GLYATL2: variants seen among roughly 807,000 people sequenced by gnomAD.
The protein encoded by GLYATL2 is glycine N-acyltransferase-like protein 2.
GLYATL2 carries 25 observed loss-of-function variants against 21.4 expected under a neutral mutation model. The observed-to-expected ratio is 1.17, with a 90% CI of 0.85 to 1.63. GLYATL2 has a LOEUF of 1.63. Ranked by LOEUF, GLYATL2 falls within the 40% of genes most tolerant of loss-of-function variation. GLYATL2 has a pLI of 0.00. For synonymous variants in GLYATL2, 114 were observed against 118.2 expected, an observed-to-expected ratio of 0.96 and a Z score of 0.23; for missense variants, 361 against 343.3, an observed-to-expected ratio of 1.05 and a Z score of -0.41.
At chr11:58,837,501 T>G in intron 3 of GLYATL2, 104 bp from the exon 4 acceptor site, 1 of 1,136,242 alleles carries the variant, frequency 8.8e-7, no homozygotes, top group Non-Finnish European at 1.3e-6. Flanking sequence ...AATATTCTGT[T>G]TTTCTGAGAC....
chr11:58,883,250 C>G (rs1854374063), intron 1 of GLYATL2, among the ~76,000 whole-genome samples: 1 of 151,678 alleles, frequency 6.6e-6, no homozygotes, highest in African/African-American at 2.4e-5. Flanking sequence ...GTTTGTAGTT[C>G]TCCTTCAAAA....
intron 1 of GLYATL2, among the ~76,000 whole-genome samples, chr11:58,860,670 C>A (rs1853914859): frequency 6.6e-6 from 1 of 152,036 alleles, no homozygotes; most frequent in Non-Finnish European, 1.5e-5. Context: ...AGCATCCTTG[C>A]CTTGTCCTTA....
intron 1 of GLYATL2, among the ~76,000 whole-genome samples, chr11:58,894,279 A>G (rs887607614): frequency 1.3e-5 from 2 of 152,204 alleles, no homozygotes; most frequent in African/African-American, 4.8e-5. Flanking sequence ...AGATAAAAAA[A>G]GCAGAAAATT....
At chr11:58,904,400 T>C (rs1465106152), upstream of GLYATL2, among the ~76,000 whole-genome samples, 1 of 152,246 alleles carries the variant, frequency 6.6e-6, no homozygotes, top group African/African-American at 2.4e-5. Flanking sequence ...TAATGGAATG[T>C]GCAGATGCTC....
intron 1 of GLYATL2, among the ~76,000 whole-genome samples, chr11:58,868,079 T>C (rs1387763495): frequency 6.7e-6 from 1 of 148,702 alleles, no homozygotes; most frequent in African/African-American, 2.4e-5. Flanking sequence ...GAGAGGAGCC[T>C]ACAGATGGGA....
intron 1 of GLYATL2, among the ~76,000 whole-genome samples, chr11:58,873,288 GC>G: frequency 6.6e-6 from 1 of 151,636 alleles, no homozygotes; most frequent in Admixed American, 6.6e-5. Flanking sequence ...TCCTTCTCCT[GC>G]CTGAATGCCC....
At chr11:58,854,371 G>A (rs973345292) in intron 1 of GLYATL2, among the ~76,000 whole-genome samples, 6 of 152,182 alleles carry the variant, frequency 3.9e-5, no homozygotes, top group African/African-American at 1.2e-4. Context: ...CAAGTCACAC[G>A]AAGTTTATGG....
At chr11:58,871,905 G>A (rs1342813736) in intron 1 of GLYATL2, among the ~76,000 whole-genome samples, 3 of 152,330 alleles carry the variant, frequency 2.0e-5, no homozygotes, top group East Asian at 3.9e-4. Context: ...CACCAGCGGT[G>A]TAAAAGTGTT....
chr11:58,898,973 G>A (rs6591499), intron 1 of GLYATL2, among the ~76,000 whole-genome samples: 132,452 of 152,170 alleles, frequency 0.87, 58,662 homozygotes, highest in Middle Eastern at 0.96. Flanking sequence ...TTATAAATAC[G>A]CAAATATTTT....
At chr11:58,878,594 TA>T (rs1854279924) in intron 1 of GLYATL2, among the ~76,000 whole-genome samples, 1 of 152,198 alleles carries the variant, frequency 6.6e-6, no homozygotes, top group Non-Finnish European at 1.5e-5. Flanking sequence ...TAATAAGCAG[TA>T]ATGTTGCAGA....
intron 1 of GLYATL2, chr11:58,885,447 T>C: frequency 2.0e-6 from 1 of 502,684 alleles, no homozygotes; most frequent in Non-Finnish European, 4.0e-6. Context: ...TATGGCTGTG[T>C]GTATCACATC....
At chr11:58,850,281 G>A (rs1853716218) in intron 1 of GLYATL2, among the ~76,000 whole-genome samples, 1 of 152,026 alleles carries the variant, frequency 6.6e-6, no homozygotes, top group Non-Finnish European at 1.5e-5. Context: ...TTTGTTCAGA[G>A]GTTTTATTAT....
chr11:58,862,990 G>T (rs1309406388), intron 1 of GLYATL2, among the ~76,000 whole-genome samples: 1 of 152,136 alleles, frequency 6.6e-6, no homozygotes, highest in African/African-American at 2.4e-5. Flanking sequence ...TTCTTGGTAG[G>T]GTGTCTGTTG....
rs547892571 is a variant in GLYATL2, at chr11:58,856,370, T to C, written n.61-18002A>G. ...CAAAACAGCAATAAGGCCATTTTGCTTTCTTATCATTGATGTGCTCACTGG... is the reference window on the plus strand; with the variant it reads ...CAAAACAGCAATAAGGCCATTTTGCCTTCTTATCATTGATGTGCTCACTGG... On this transcript the variant is annotated intron_variant and non_coding_transcript_variant, in intron 1 of 4. Transcript: ENST00000533636. Among the ~76,000 whole-genome samples, 198 of 152,358 alleles carry C rather than the reference T, an allele frequency of 1.3e-3. 2 individuals carry two copies. Among genetic ancestry groups the C allele is most frequent in the Non-Finnish European group, 4.4e-4 (30 of 68,038 alleles).
At chr11:58,863,444 C>T (rs1333760398) in intron 1 of GLYATL2, among the ~76,000 whole-genome samples, 1 of 152,134 alleles carries the variant, frequency 6.6e-6, no homozygotes, top group Non-Finnish European at 1.5e-5. Context: ...AGAGATGGTC[C>T]TAGAGCCTTC....
chr11:58,899,342 T>C (rs991625062), intron 1 of GLYATL2, among the ~76,000 whole-genome samples: 3 of 152,042 alleles, frequency 2.0e-5, no homozygotes, highest in South Asian at 2.1e-4. Flanking sequence ...TGTGGGGTGT[T>C]AAGAACTCCT....
rs938278402 is a variant in GLYATL2 at position 58,871,887 on chromosome 11, G to T, written n.60+32269C>A. ...GTCTTCCACAATGGTTGAACTAGTT[G>T]ACAGTCCCACCAGCGGTGTAAAAGT... On this transcript the variant is annotated intron_variant and non_coding_transcript_variant, in intron 1 of 4. Coordinates refer to the GLYATL2 transcript ENST00000533636. Among the ~76,000 whole-genome samples the T allele has an allele frequency of 6.6e-4, 100 of 152,248 alleles. 1 individual carries two copies. The highest frequency in any genetic ancestry group is 2.3e-3 in the African/African-American group (96 of 41,550).
chr11:58,868,290 CTT>C (rs368880408), intron 1 of GLYATL2, among the ~76,000 whole-genome samples: 2 of 148,690 alleles, frequency 1.3e-5, no homozygotes, highest in African/African-American at 4.9e-5. Context: ...GAATTTCTTC[CTT>C]AGTAAAGGAG....
At chr11:58,887,948 A>C (rs1854472687) in intron 1 of GLYATL2, among the ~76,000 whole-genome samples, 1 of 152,208 alleles carries the variant, frequency 6.6e-6, no homozygotes, top group African/African-American at 2.4e-5. Context: ...TATTTCCATT[A>C]GCAATGTGTG....
Sources: gnomAD v4.1 joint callset for allele counts (sites outside exome capture counted in the v4.1 genomes callset) on GRCh38, gnomAD v4.1.1 for gene constraint, MANE v1.5 for transcripts, NCBI Gene and HGNC (gene_info 2026-07-23, HGNC 2026-07-21) for gene names.